The following SNTG1 variants were observed in gnomAD, a reference collection of about 807,000 sequenced individuals.
The protein encoded by SNTG1 is syntrophin gamma 1.
A neutral mutation model predicts 74.7 loss-of-function variants in SNTG1; 39 were observed. The observed-to-expected ratio is 0.52, with a 90% CI of 0.40 to 0.68. The LOEUF is 0.68. SNTG1 is among the 30% of genes least tolerant of loss of function. The probability of loss-of-function intolerance (pLI) is 0.00; values close to 1 mark genes in which losing one functional copy is unlikely to be tolerated. For synonymous variants in SNTG1, 254 were observed against 217.1 expected, an observed-to-expected ratio of 1.17 and a Z score of -1.49; for missense variants, 685 against 609.5, an observed-to-expected ratio of 1.12 and a Z score of -1.30.
chr8:50,578,819 T>G (rs1231880868), intron 12 of SNTG1, among the ~76,000 whole-genome samples: 1 of 152,160 alleles, frequency 6.6e-6, no homozygotes, highest in African/African-American at 2.4e-5. Flanking sequence ...GTGAGTCAAT[T>G]AAATCTGTCT....
chr8:50,251,542 TACAAA>T (rs2086647611), intron 2 of SNTG1, among the ~76,000 whole-genome samples: 1 of 151,592 alleles, frequency 6.6e-6, no homozygotes, highest in Non-Finnish European at 1.5e-5. Flanking sequence ...ATATATTTCA[TACAAA>T]TGGAAACCAA....
At position 50,503,865 on chromosome 8, in the gene SNTG1, A is replaced by C. The variant is rs2093984282; in HGVS notation, c.466+985A>C. On this transcript the variant is annotated intron_variant, in intron 9 of 18. Coordinates refer to ENST00000642720, the MANE Select transcript of SNTG1 (RefSeq NM_018967.5). ...CGTTCTTTTATTTAACTTTTATTTT[A>C]AGTTCAGGGGTACAAATGCAGGGTT... Among the ~76,000 whole-genome samples, 3 of 152,166 alleles carry C rather than the reference A, an allele frequency of 2.0e-5. No homozygotes were observed. In the South Asian group the frequency reaches 6.2e-4, roughly 32 times the overall value.
chr8:50,298,927 A>G (rs1057486649), intron 2 of SNTG1, among the ~76,000 whole-genome samples: 4 of 152,132 alleles, frequency 2.6e-5, no homozygotes, highest in Admixed American at 2.6e-4. Context: ...AACAAAATCA[A>G]CCATAAGAAA....
At chr8:50,736,278 C>A (rs560669586) in intron 17 of SNTG1, among the ~76,000 whole-genome samples, 1 of 151,814 alleles carries the variant, frequency 6.6e-6, no homozygotes, top group Non-Finnish European at 1.5e-5. Flanking sequence ...ACAATATAAA[C>A]CTTAATTGCA....
In SNTG1 at chr8:50,748,557, T is replaced by C. The variant is rs142547298; in HGVS notation, c.1285-3444T>C. Among the ~76,000 whole-genome samples the C allele has an allele frequency of 5.9e-5, 9 of 152,162 alleles. 1 individual carries two copies. In the East Asian group the frequency reaches 1.8e-3, roughly 30 times the overall value. ...TACCTCATTTTATCATACTTTGCTT[T>C]ATTGTCCTTCACATATACTGTGTCT... On this transcript the variant is annotated intron_variant, in intron 17 of 18. Transcript: ENST00000642720.
At chr8:49,950,101 T>C (rs1192961855) in intron 1 of SNTG1, among the ~76,000 whole-genome samples, 1 of 152,158 alleles carries the variant, frequency 6.6e-6, no homozygotes, top group African/African-American at 2.4e-5. Context: ...CACTCCAGTC[T>C]GAGATACAGA....
At chr8:50,093,017 G>A (rs1459245701) in intron 1 of SNTG1, among the ~76,000 whole-genome samples, 2 of 152,042 alleles carry the variant, frequency 1.3e-5, no homozygotes, top group Non-Finnish European at 2.9e-5. Context: ...ATTCTCAAGA[G>A]CAAATAATAT....
At chr8:50,706,692 A>T (rs1316918361) in intron 16 of SNTG1, among the ~76,000 whole-genome samples, 1 of 152,088 alleles carries the variant, frequency 6.6e-6, no homozygotes, top group African/African-American at 2.4e-5. Flanking sequence ...TGTTCTACAG[A>T]TTTTATAACT....
intron 11 of SNTG1, among the ~76,000 whole-genome samples, chr8:50,548,347 T>G (rs2094402410): frequency 6.6e-6 from 1 of 152,068 alleles, no homozygotes; most frequent in Non-Finnish European, 1.5e-5. Context: ...TTGGAAGGGC[T>G]AAGAAAGATC....
At chr8:50,772,393 A>C (rs1405960472) in intron 18 of SNTG1, among the ~76,000 whole-genome samples, 1 of 152,024 alleles carries the variant, frequency 6.6e-6, no homozygotes, top group Non-Finnish European at 1.5e-5. Context: ...CCTGTCATTT[A>C]TTTCTTTTTG....
chr8:50,468,398 C>G (rs995150811), intron 8 of SNTG1, among the ~76,000 whole-genome samples: 1 of 152,126 alleles, frequency 6.6e-6, no homozygotes, highest in African/African-American at 2.4e-5. Flanking sequence ...TTCATTCCCC[C>G]CCTTAGCTTT....
chr8:50,794,680 G>A lies in SNTG1; in HGVS notation c.*1851G>A, dbSNP rs373453691. 1.3e-3 allele frequency: 191 copies of A among 152,098 alleles called. 1 individual carries two copies. Among genetic ancestry groups the A allele is most frequent in the African/African-American group, 4.4e-3 (184 of 41,544 alleles). The allele number at this position is 152,098 out of a possible 1,614,324, so 9.4% of individuals were successfully genotyped here. ...GGATACATCGAACTTAGAATTTTCA[G>A]CTGTGGCAAGTGGTTCATTATGGAA... is the stretch of plus-strand genomic sequence containing the variant. On this transcript the variant is annotated 3_prime_UTR_variant, in exon 19 of 19. Transcript: ENST00000642720.
At chr8:50,021,663 G>T (rs2086888) in intron 1 of SNTG1, among the ~76,000 whole-genome samples, 97,634 of 151,960 alleles carry the variant, frequency 0.64, 35,469 homozygotes, top group East Asian at 0.83. Context: ...TGTGGGGCAT[G>T]GTGCCCCAAG....
intron 2 of SNTG1, among the ~76,000 whole-genome samples, chr8:50,374,966 A>AG (rs1350474116): frequency 1.3e-5 from 2 of 152,190 alleles, no homozygotes; most frequent in African/African-American, 4.8e-5. Context: ...AAAATTAAAA[A>AG]GTGAAGGTGT....
chr8:50,765,010 G>C (rs181036298), intron 18 of SNTG1, among the ~76,000 whole-genome samples: 9 of 152,080 alleles, frequency 5.9e-5, no homozygotes, highest in Non-Finnish European at 4.4e-5. Context: ...AGTAAAGTCA[G>C]CCAGACACAG....
intron 1 of SNTG1, among the ~76,000 whole-genome samples, chr8:50,146,609 T>TA (rs921489359): frequency 1.3e-5 from 2 of 152,194 alleles, no homozygotes; most frequent in African/African-American, 4.8e-5. Flanking sequence ...CTTACTTATC[T>TA]AAAAAACTGC....
chr8:49,926,802 C>T lies in SNTG1; in HGVS notation c.-103+14571C>T, dbSNP rs184019969. ...AGGCAATGTCAAGAGAATAAGAAGA[C>T]AAGCTATGGAAAAGGAGAAAATACT... On this transcript the variant is annotated intron_variant, in intron 1 of 18. Transcript: ENST00000642720. Among the ~76,000 whole-genome samples, 11 of 152,018 alleles carry T rather than the reference C, an allele frequency of 7.2e-5. No homozygotes were observed. The East Asian group carries it at 1.9e-3, about 27-fold the overall frequency.
At chr8:50,734,744 TG>T (rs1454639934) in intron 17 of SNTG1, among the ~76,000 whole-genome samples, 3 of 83,826 alleles carry the variant, frequency 3.6e-5, no homozygotes, top group Non-Finnish European at 6.5e-5. Flanking sequence ...TATATGGACA[TG>T]TATATAGATA....
At chr8:50,772,944 C>T (rs1384830468) in intron 18 of SNTG1, among the ~76,000 whole-genome samples, 1 of 152,090 alleles carries the variant, frequency 6.6e-6, no homozygotes, top group Admixed American at 6.6e-5. Context: ...ACTCCACTTT[C>T]CCTTTCTGCC....
Sources: gnomAD v4.1 joint callset for allele counts (sites outside exome capture counted in the v4.1 genomes callset) on GRCh38, gnomAD v4.1.1 for gene constraint, MANE v1.5 for transcripts, NCBI Gene and HGNC (gene_info 2026-07-23, HGNC 2026-07-21) for gene names.